The following MAP3K3 variants were observed in gnomAD, a reference collection of about 807,000 sequenced individuals.
MAP3K3 encodes MAP/ERK kinase kinase 3.
In MAP3K3, 12 loss-of-function variants were observed where a neutral mutation model predicts 80.9. That is an observed-to-expected ratio of 0.15 (90% CI 0.10 to 0.24). MAP3K3 has a LOEUF of 0.24. Among genes scored for constraint, MAP3K3 ranks in the 10% least tolerant of loss-of-function variants. The pLI is 1.00. For synonymous variants in MAP3K3, 272 were observed against 307.1 expected (o/e 0.89, Z 1.19); for missense variants, 596 against 834.7 (o/e 0.71, Z 3.52).
chr17:63,623,190 T>G (rs935590763), intron 1 of MAP3K3, among the ~76,000 whole-genome samples: 1 of 152,084 alleles, frequency 6.6e-6, no homozygotes, highest in Non-Finnish European at 1.5e-5. Context: ...TGCTTTTTTT[T>G]CCTGCCTGTG....
rs2035622609 is a variant in MAP3K3 at position 63,692,910 on chromosome 17, A to T, written c.1652+491A>T. Among the ~76,000 whole-genome samples, 1 of 152,230 alleles carries T rather than the reference A, an allele frequency of 6.6e-6. No homozygotes were observed. The highest frequency in any genetic ancestry group is 2.1e-4 in the South Asian group (1 of 4,838). ...TCCCTGGATCTGTAAATGTGATTGT[A>T]TATAGCAAAGGGCCTTTGCAGATAG... On this transcript the variant is annotated intron_variant, in intron 15 of 15. Coordinates refer to ENST00000361733, the MANE Select transcript of MAP3K3 (RefSeq NM_002401.5). This position sits in a 1 kb window ranked among gnomAD's most constrained non-coding sequence, Gnocchi z 4.5.
At chr17:63,651,932 A>G (rs1159537488) in intron 3 of MAP3K3, among the ~76,000 whole-genome samples, 2 of 152,228 alleles carry the variant, frequency 1.3e-5, no homozygotes, top group African/African-American at 4.8e-5. Flanking sequence ...AGACCTTTCA[A>G]GTCCTAGAGT....
At chr17:63,669,564 G>A (rs9902901) in intron 6 of MAP3K3, among the ~76,000 whole-genome samples, 5,255 of 151,622 alleles carry the variant, frequency 0.035, 318 homozygotes, top group African/African-American at 0.12. Flanking sequence ...TGCTTCATGC[G>A]CTCAAGCAAT....
intron 3 of MAP3K3, among the ~76,000 whole-genome samples, chr17:63,648,781 C>T (rs1555688519): frequency 6.6e-6 from 1 of 152,000 alleles, no homozygotes; most frequent in Non-Finnish European, 1.5e-5. Flanking sequence ...AGCCACTGCA[C>T]TCCAGCCTGG....
intron 4 of MAP3K3, among the ~76,000 whole-genome samples, chr17:63,657,208 A>C (rs1404307393): frequency 6.6e-6 from 1 of 152,070 alleles, no homozygotes; most frequent in Non-Finnish European, 1.5e-5. Context: ...TTTGGAAAAG[A>C]ATATGGGGGC....
chr17:63,672,207 C>T (rs967637546), intron 6 of MAP3K3, among the ~76,000 whole-genome samples: 1 of 148,224 alleles, frequency 6.7e-6, no homozygotes, highest in Admixed American at 6.8e-5. Context: ...TGTTTGAACC[C>T]GGGAGGCGGA....
intron 2 of MAP3K3, 145 bp downstream of exon 2, chr17:63,632,947 T>A: frequency 9.3e-7 from 1 of 1,080,422 alleles, no homozygotes; most frequent in African/African-American, 1.6e-5. Context: ...TGGGAAGTAA[T>A]ACATACCAAC....
intron 2 of MAP3K3, among the ~76,000 whole-genome samples, chr17:63,633,483 A>C: frequency 6.6e-6 from 1 of 152,212 alleles, no homozygotes; most frequent in Non-Finnish European, 1.5e-5. Flanking sequence ...TAAGAAGGTA[A>C]ATTTATTAAT....
Position 63,693,858 on chromosome 17 carries a change from C to T in MAP3K3, c.*81C>T. On this transcript the variant is annotated 3_prime_UTR_variant, in exon 16 of 16. Transcript: ENST00000361733. This position sits in a 1 kb window ranked among gnomAD's most constrained non-coding sequence, Gnocchi z 4.2. ...GCTGGGCTCAGTGAAGTTGCTGCTTCTCCCAGGCAAGGCTGTGGACCATGG... is the reference window on the plus strand; with the variant it reads ...GCTGGGCTCAGTGAAGTTGCTGCTTTTCCCAGGCAAGGCTGTGGACCATGG... 2 of 1,277,452 alleles carry T rather than the reference C, an allele frequency of 1.6e-6. No homozygotes were observed. Among genetic ancestry groups the T allele is most frequent in the Non-Finnish European group, 1.1e-6 (1 of 914,180 alleles). The allele number at this position is 1,277,452 out of a possible 1,614,324, so 79.1% of individuals were successfully genotyped here.
At chr17:63,639,712 G>A (rs1339797280) in intron 2 of MAP3K3, among the ~76,000 whole-genome samples, 1 of 151,822 alleles carries the variant, frequency 6.6e-6, no homozygotes, top group Admixed American at 6.6e-5. Context: ...TTGCCAAAGA[G>A]AGTAAGTGAA....
chr17:63,690,960 A>G (rs2035574198), intron 12 of MAP3K3, 142 bp from the exon 13 acceptor site: 2 of 959,862 alleles, frequency 2.1e-6, no homozygotes, highest in Middle Eastern at 2.9e-4. Context: ...AGAGCTAGAC[A>G]GTTAAGAGAG....
chr17:63,665,721 G>A (rs2034987530), intron 5 of MAP3K3, among the ~76,000 whole-genome samples: 3 of 152,052 alleles, frequency 2.0e-5, no homozygotes, highest in Admixed American at 6.6e-5. Context: ...ATTGCACATC[G>A]GAGGCTTCAG....
At chr17:63,635,508 G>C (rs994878409) in intron 2 of MAP3K3, among the ~76,000 whole-genome samples, 2 of 152,338 alleles carry the variant, frequency 1.3e-5, no homozygotes, top group Admixed American at 1.3e-4. Context: ...CAGATGTTTT[G>C]CTTCTGACCA....
At chr17:63,663,728 C>A (rs188715716) in intron 5 of MAP3K3, among the ~76,000 whole-genome samples, 20 of 152,108 alleles carry the variant, frequency 1.3e-4, no homozygotes, top group African/African-American at 4.8e-4. Context: ...AGACCCCCAT[C>A]TCTACAAAAG....
intron 3 of MAP3K3, among the ~76,000 whole-genome samples, chr17:63,650,568 G>A (rs548118381): frequency 2.0e-5 from 3 of 151,926 alleles, no homozygotes; most frequent in South Asian, 2.1e-4. Context: ...CTCCCAAAGC[G>A]CTGGGATTAC....
At chr17:63,665,533 A>T (rs1231381745) in intron 5 of MAP3K3, among the ~76,000 whole-genome samples, 1 of 152,132 alleles carries the variant, frequency 6.6e-6, no homozygotes, top group Admixed American at 6.5e-5. Flanking sequence ...TCATGTTGCC[A>T]TGATTTTTTG....
chr17:63,632,653 T>C, intron 1 of MAP3K3, 28 bp from the exon 2 acceptor site: 4 of 1,613,000 alleles, frequency 2.5e-6, no homozygotes, highest in Non-Finnish European at 3.4e-6. Flanking sequence ...TTTAAGTGTC[T>C]TAGTCCATGT....
intron 2 of MAP3K3, among the ~76,000 whole-genome samples, chr17:63,641,656 A>G (rs2034445968): frequency 6.6e-6 from 1 of 152,200 alleles, no homozygotes; most frequent in Non-Finnish European, 1.5e-5. Flanking sequence ...CTCCAGTGCT[A>G]CATTCTTAAC....
chr17:63,657,601 AT>A (rs1421221521), intron 4 of MAP3K3, among the ~76,000 whole-genome samples, 192 bp from the exon 5 acceptor site: 2 of 152,066 alleles, frequency 1.3e-5, no homozygotes, highest in Non-Finnish European at 2.9e-5. Context: ...GGTACTACAA[AT>A]TTTTGGATTG....
Sources: allele counts gnomAD v4.1 joint callset (sites outside exome capture counted in the v4.1 genomes callset), GRCh38; gene constraint gnomAD v4.1.1; non-coding constraint Gnocchi (gnomAD v3.1); transcripts MANE v1.5; gene names NCBI Gene and HGNC (gene_info 2026-07-23, HGNC 2026-07-21).